TFPT: variants seen among roughly 807,000 people sequenced by gnomAD.
TFPT encodes INO80 complex subunit F.
In TFPT, 27 loss-of-function variants were observed where a neutral mutation model predicts 28.8. The observed-to-expected ratio is 0.94, with a 90% CI of 0.69 to 1.29. The LOEUF (loss-of-function observed/expected upper bound fraction) is 1.29, where lower values mean the gene tolerates loss of function less well. TFPT is among the 50% of genes most tolerant of loss of function. The pLI, the probability that TFPT is intolerant of heterozygous loss-of-function variation, is 0.00. For missense variants in TFPT, 330 were observed against 338.0 expected (o/e 0.98, Z 0.19); for synonymous variants, 152 against 142.8 (o/e 1.06, Z -0.46).
chr19:54,112,463 C>G (rs962681824), intron 2 of TFPT, among the ~76,000 whole-genome samples: 4 of 152,074 alleles, frequency 2.6e-5, no homozygotes, highest in South Asian at 4.1e-4. Context: ...TGGCCTCTAG[C>G]CTTCCTCCTT....
intron 3 of TFPT, chr19:54,108,617 T>A: frequency 6.6e-7 from 1 of 1,519,200 alleles, no homozygotes; most frequent in South Asian, 1.3e-5. Context: ...TTTCCTGCTC[T>A]GCAAACGACA....
At chr19:54,112,797 GAA>G (rs1314376110) in intron 2 of TFPT, among the ~76,000 whole-genome samples, 2 of 151,016 alleles carry the variant, frequency 1.3e-5, no homozygotes, top group Non-Finnish European at 2.9e-5. Context: ...TCAAGAAAGA[GAA>G]AAAGAGTTGA....
chr19:54,111,737 C>T (rs2073462032), intron 2 of TFPT, among the ~76,000 whole-genome samples: 1 of 150,716 alleles, frequency 6.6e-6, no homozygotes, highest in African/African-American at 2.4e-5. Context: ...GTAATCCCAG[C>T]ACTTTCAGAG....
chr19:54,108,660 A>G, intron 3 of TFPT: 2 of 1,413,894 alleles, frequency 1.4e-6, no homozygotes, highest in Non-Finnish European at 1.9e-6. Flanking sequence ...CAGCGGTGAC[A>G]CTGAAGTAGT....
chr19:54,114,454 C>T lies in TFPT; in HGVS notation c.270G>A (p.Arg90=), dbSNP rs751937460. 2.7e-5 allele frequency: 43 copies of T among 1,612,886 alleles called. No individual in the cohort carries two copies. In the Middle Eastern group the frequency reaches 6.6e-4, roughly 25 times the overall value. The change falls in exon 2 of 6, where the codon CGG becomes CGA. Residue 90 remains arginine, a synonymous_variant. Transcript: ENST00000391759. ...RKYQALGRRC[R]EIEQVNERVL... is the part of the protein sequence containing the mutation. ...CGCACTCACCTACCTGCTCGATCTC[C>T]CGGCAGCGCCGACCTAGTGCCTGGT...
intron 2 of TFPT, among the ~76,000 whole-genome samples, chr19:54,110,866 A>G (rs1182685030): frequency 6.6e-6 from 1 of 152,160 alleles, no homozygotes; most frequent in Non-Finnish European, 1.5e-5. Context: ...CAGCCAGAGC[A>G]TGAGCTGAAA....
At chr19:54,107,460 G>A (rs2146345721) in intron 5 of TFPT, 1 of 409,200 alleles carries the variant, frequency 2.4e-6, no homozygotes, top group Non-Finnish European at 4.4e-6. Context: ...TGTTGCTCAG[G>A]CAGGTCTCAG....
At chr19:54,112,130 T>G (rs941547988) in intron 2 of TFPT, among the ~76,000 whole-genome samples, 7 of 151,564 alleles carry the variant, frequency 4.6e-5, no homozygotes, top group African/African-American at 1.7e-4. Flanking sequence ...TTAGCTGGGC[T>G]TGGTGGCTGT....
chr19:54,113,940 G>T (rs2073531582), intron 2 of TFPT, among the ~76,000 whole-genome samples: 1 of 152,172 alleles, frequency 6.6e-6, no homozygotes, highest in Non-Finnish European at 1.5e-5. Context: ...TGATCCGCCT[G>T]CCTCAGCCTC....
rs2073566942 is a variant in TFPT at position 54,114,705 on chromosome 19, G to C, written c.24-5C>G. ...AAGCCCACGGCTGCCATGGTCCTGA[G>C]AGGCAGGGAAAGGCTCAGGGGCCCT... On this transcript the variant is annotated splice_polypyrimidine_tract_variant and splice_region_variant and intron_variant, in intron 1 of 5. Transcript: ENST00000391759. 2 of 1,610,850 alleles carry C rather than the reference G, an allele frequency of 1.2e-6. No individual in the cohort carries two copies. The highest frequency in any genetic ancestry group is 1.7e-4 in the Middle Eastern group (1 of 6,026).
chr19:54,110,130 T>C lies in TFPT; in HGVS notation c.283-9A>G, dbSNP rs2073412083. 1.2e-6 allele frequency: 2 copies of C among 1,613,918 alleles called. No homozygotes were observed. Among genetic ancestry groups the C allele is most frequent in the Non-Finnish European group, 1.7e-6 (2 of 1,179,980 alleles). ...AGGACCCGCTCGTTCACCTATGGGG[T>C]GGGAAACGCCCATCAGCTGGATCCC... is the stretch of plus-strand genomic sequence containing the variant. On this transcript the variant is annotated splice_polypyrimidine_tract_variant and intron_variant, in intron 2 of 5. Coordinates refer to ENST00000391759, the MANE Select transcript of TFPT (RefSeq NM_013342.4).
rs990859359 is a variant in TFPT, at chr19:54,114,615, G to A, written c.109C>T (p.Leu37=). ...ACTTCCGTCTCCAGCTCGCTCTCCA[G>A]GATGTGGCCACCAAATAGGGGAGGC... is the stretch of plus-strand genomic sequence containing the variant. ...ALPPLFGGHI[L]ESELETEVEF... is the part of the protein sequence containing the mutation. Residue 37 remains leucine (L), a synonymous_variant, in exon 2 of 6, where the codon CTG becomes TTG. Coordinates refer to ENST00000391759, the MANE Select transcript of TFPT (RefSeq NM_013342.4). 3 of 1,614,132 alleles carry A rather than the reference G, an allele frequency of 1.9e-6. No homozygotes were observed. Among genetic ancestry groups the A allele is most frequent in the Admixed American group, 1.7e-5 (1 of 60,018 alleles).
chr19:54,111,912 G>A (rs772191923), intron 2 of TFPT, among the ~76,000 whole-genome samples: 7 of 152,026 alleles, frequency 4.6e-5, no homozygotes, highest in African/African-American at 1.7e-4. Flanking sequence ...CCCAGGAGGC[G>A]GAGGTTGCAG....
At chr19:54,111,723 G>A (rs1479453974) in intron 2 of TFPT, among the ~76,000 whole-genome samples, 5 of 149,328 alleles carry the variant, frequency 3.3e-5, no homozygotes, top group South Asian at 2.1e-4. Context: ...GGTGGCTCAC[G>A]CTTGTAATCC....
chr19:54,113,093 CAAAAAAAA>C (rs139440012), intron 2 of TFPT, among the ~76,000 whole-genome samples: 5 of 58,576 alleles, frequency 8.5e-5, no homozygotes, highest in African/African-American at 3.7e-4. Flanking sequence ...GACTCCACCT[CAAAAAAAA>C]AAAAAAAAAA....
chr19:54,107,766 C>T lies in TFPT; in HGVS notation c.642+260G>A, dbSNP rs587653098. Among the ~76,000 whole-genome samples, 11 of 152,268 alleles carry T rather than the reference C, an allele frequency of 7.2e-5. 1 individual carries two copies. In the South Asian group the frequency reaches 2.3e-3, roughly 32 times the overall value. On this transcript the variant is annotated intron_variant, in intron 5 of 5. Transcript: ENST00000391759. Reference sequence around the variant, plus strand: ...CTTCCTCTTTCCCTTTCCAACTTTGCCTCCTTTTTACCCAAGCCTTTACCC... The same window carrying T: ...CTTCCTCTTTCCCTTTCCAACTTTGTCTCCTTTTTACCCAAGCCTTTACCC...
chr19:54,114,507 G>A lies in TFPT; in HGVS notation c.217C>T (p.Arg73Cys). 3.1e-6 allele frequency: 5 copies of A among 1,613,826 alleles called. No individual in the cohort carries two copies. Among genetic ancestry groups the A allele is most frequent in the Non-Finnish European group, 4.2e-6 (5 of 1,179,984 alleles). The change falls in exon 2 of 6, where the codon CGC becomes TGC. Residue 73 changes from arginine (R) to cysteine (C), a missense_variant. Transcript: ENST00000391759. ...TTTCTGCGATTTAATTCCCGCTGGCGCCGCCGCCGACCCCGGGCTGCCTCT... is the reference window on the plus strand; with the variant it reads ...TTTCTGCGATTTAATTCCCGCTGGCACCGCCGCCGACCCCGGGCTGCCTCT... ...EEEAARGRRR[R>C]QRELNRRKYQ...
chr19:54,114,722 AG>A (rs1483993624), intron 1 of TFPT, 22 bp from the exon 2 acceptor site: 2 of 1,603,388 alleles, frequency 1.2e-6, no homozygotes, highest in African/African-American at 2.7e-5. Context: ...GGAAAGGCTC[AG>A]GGGCCCTGGA....
intron 2 of TFPT, among the ~76,000 whole-genome samples, chr19:54,112,118 A>C (rs116908580): frequency 0.033 from 5,010 of 151,538 alleles, 102 homozygotes; most frequent in Middle Eastern, 0.061. Flanking sequence ...TAACCAAAAA[A>C]ATTAGCTGGG....
Sources: allele counts gnomAD v4.1 joint callset (sites outside exome capture counted in the v4.1 genomes callset), GRCh38; gene constraint gnomAD v4.1.1; transcripts MANE v1.5; gene names NCBI Gene and HGNC (gene_info 2026-07-23, HGNC 2026-07-21).